Variants in AFF2 observed in about 807,000 individuals in gnomAD.
AFF2 encodes the protein ALF transcription elongation factor 2.
In AFF2, 14 loss-of-function variants were observed where a neutral mutation model predicts 76.9. That is an observed-to-expected ratio of 0.18 (90% CI 0.12 to 0.28). The LOEUF (loss-of-function observed/expected upper bound fraction) is 0.28. Among genes scored for constraint, AFF2 ranks in the 10% least tolerant of loss-of-function variants. The probability of loss-of-function intolerance (pLI) is 1.00; values close to 1 mark genes in which losing one functional copy is unlikely to be tolerated. For missense variants in AFF2, 868 were observed against 1,001.1 expected (o/e 0.87, Z 1.79); for synonymous variants, 398 against 366.7 (o/e 1.09, Z -0.98).
chrX:148,877,405 C>T (rs1020050948), intron 7 of AFF2, among the ~76,000 whole-genome samples: 3 of 112,022 alleles, frequency 2.7e-5, no homozygotes, highest in Non-Finnish European at 3.8e-5. Flanking sequence ...CAATCTACCT[C>T]TTCCCCTAAA....
intron 3 of AFF2, among the ~76,000 whole-genome samples, chrX:148,667,693 T>C (rs2054373903): frequency 9.0e-6 from 1 of 111,642 alleles, no homozygotes; most frequent in Non-Finnish European, 1.9e-5. Flanking sequence ...ACTTAGTAAC[T>C]GTCATGAGAA....
intron 3 of AFF2, among the ~76,000 whole-genome samples, chrX:148,666,496 A>G (rs1490403614): frequency 1.8e-5 from 2 of 110,235 alleles, no homozygotes; most frequent in African/African-American, 6.6e-5. Flanking sequence ...GAGGCAGGAG[A>G]ATAGCTTGAA....
intron 19 of AFF2, among the ~76,000 whole-genome samples, chrX:148,983,968 A>AAAAAAAAAAAAAAAAAAAAG (rs1431816827): frequency 1.9e-5 from 2 of 103,469 alleles, no homozygotes; most frequent in African/African-American, 7.0e-5. Flanking sequence ...AAAAAAAAAA[A>AAAAAAAAAAAAAAAAAAAAG]CTGCCCTCAT....
At chrX:148,825,495 G>A (rs183730710) in intron 4 of AFF2, among the ~76,000 whole-genome samples, 80 of 110,639 alleles carry the variant, frequency 7.2e-4, no homozygotes, top group African/African-American at 2.5e-3. Context: ...ACCCTTCACA[G>A]ACTCTCTATC....
intron 1 of AFF2, among the ~76,000 whole-genome samples, chrX:148,543,719 T>C (rs2090087461): frequency 8.9e-6 from 1 of 112,351 alleles, no homozygotes; most frequent in Admixed American, 9.5e-5. Flanking sequence ...AGTATATTTT[T>C]TGTAGTGGCT....
intron 1 of AFF2, among the ~76,000 whole-genome samples, chrX:148,627,826 G>T (rs1441269285): frequency 1.8e-5 from 2 of 111,824 alleles, no homozygotes; most frequent in African/African-American, 3.3e-5. Flanking sequence ...TGAACTTTGA[G>T]ACATTGGAGG....
chrX:148,569,324 G>A (rs997749492), intron 1 of AFF2, among the ~76,000 whole-genome samples: 4 of 110,975 alleles, frequency 3.6e-5, no homozygotes, highest in Admixed American at 9.6e-5. Flanking sequence ...CTTTCCCTAA[G>A]AACAAACCAT....
intron 3 of AFF2, among the ~76,000 whole-genome samples, chrX:148,693,138 C>T (rs782229976): frequency 1.8e-5 from 2 of 110,723 alleles, no homozygotes; most frequent in South Asian, 7.8e-4. Context: ...AGGATGGTCT[C>T]GAACTCCTGA....
intron 7 of AFF2, among the ~76,000 whole-genome samples, chrX:148,885,329 A>G (rs782428586): frequency 1.7e-4 from 19 of 111,608 alleles, no homozygotes; most frequent in Admixed American, 1.3e-3. Flanking sequence ...GATCGGTCAT[A>G]TATCAGAAGG....
At chrX:148,819,863 T>G (rs1320454374) in intron 4 of AFF2, among the ~76,000 whole-genome samples, 6 of 111,788 alleles carry the variant, frequency 5.4e-5, no homozygotes, top group African/African-American at 1.9e-4. Context: ...CCAGCACGAT[T>G]TATTGAAAAG....
intron 12 of AFF2, 77 bp downstream of exon 12, chrX:148,958,535 G>A: frequency 8.9e-7 from 1 of 1,122,713 alleles, no homozygotes; most frequent in Non-Finnish European, 1.2e-6. Flanking sequence ...GAACCTGTTT[G>A]GGGGATCTTG....
chrX:148,719,668 A>C (rs1557263626), intron 3 of AFF2, among the ~76,000 whole-genome samples: 1 of 111,941 alleles, frequency 8.9e-6, no homozygotes, highest in African/African-American at 3.2e-5. Context: ...AAAACAAACA[A>C]CGATAACAAA....
intron 3 of AFF2, among the ~76,000 whole-genome samples, chrX:148,762,530 A>C (rs1249557646): frequency 1.9e-5 from 2 of 105,050 alleles, no homozygotes; most frequent in Non-Finnish European, 3.9e-5. Context: ...TTCATTATGC[A>C]TTCATTGATT....
chrX:148,747,400 T>C (rs1263220214), intron 3 of AFF2, among the ~76,000 whole-genome samples: 2 of 111,460 alleles, frequency 1.8e-5, no homozygotes, highest in Non-Finnish European at 3.8e-5. Flanking sequence ...CTATGAAGGA[T>C]ACAGGTACAA....
At chrX:148,654,644 A>G (rs1447691094) in intron 2 of AFF2, among the ~76,000 whole-genome samples, 1 of 109,846 alleles carries the variant, frequency 9.1e-6, no homozygotes, top group Non-Finnish European at 1.9e-5. Flanking sequence ...GGAGGAGATT[A>G]AAAATAATAC....
At chrX:148,640,262 A>C (rs2054074654) in intron 1 of AFF2, among the ~76,000 whole-genome samples, 1 of 112,775 alleles carries the variant, frequency 8.9e-6, no homozygotes, top group Admixed American at 9.4e-5. Flanking sequence ...GAACAGAAGA[A>C]AACTATCTGA....
chrX:148,677,538 A>G (rs782326008), intron 3 of AFF2, among the ~76,000 whole-genome samples: 3 of 112,634 alleles, frequency 2.7e-5, no homozygotes, highest in East Asian at 5.6e-4. Context: ...AAATCATAGA[A>G]GTGATAAGTT....
chrX:148,636,834 C>T (rs1289768572), intron 1 of AFF2, among the ~76,000 whole-genome samples: 2 of 111,216 alleles, frequency 1.8e-5, no homozygotes, highest in African/African-American at 6.5e-5. Flanking sequence ...ACATAAAAGA[C>T]TTCAAAACTG....
intron 3 of AFF2, among the ~76,000 whole-genome samples, chrX:148,754,399 T>C (rs1447721228): frequency 3.6e-5 from 4 of 110,344 alleles, no homozygotes; most frequent in Admixed American, 9.6e-5. Flanking sequence ...TTTTTTTTTC[T>C]CTGGGAAACA....
Sources: gnomAD v4.1 joint callset for allele counts (sites outside exome capture counted in the v4.1 genomes callset) on GRCh38, gnomAD v4.1.1 for gene constraint, MANE v1.5 for transcripts, NCBI Gene and HGNC (gene_info 2026-07-23, HGNC 2026-07-21) for gene names.